The following KCNJ12 variants were observed in gnomAD, a reference collection of about 807,000 sequenced individuals.
The protein encoded by KCNJ12 is ATP-sensitive inward rectifier potassium channel 12.
Under a neutral mutation model 22.3 loss-of-function variants are expected in KCNJ12, and 2 were observed. The observed-to-expected ratio is 0.09, with a 90% CI of 0.04 to 0.28. The LOEUF is 0.28. Ranked by LOEUF, KCNJ12 falls within the 10% of genes least tolerant of loss-of-function variation. KCNJ12 has a pLI of 1.00. For synonymous variants in KCNJ12, 117 were observed against 261.4 expected, an observed-to-expected ratio of 0.45 and a Z score of 5.33; for missense variants, 155 against 633.3, an observed-to-expected ratio of 0.24 and a Z score of 8.11.
In KCNJ12 at chr17:21,382,494, C is replaced by CTT. The variant is rs11454225; in HGVS notation, c.-179+5588_-179+5589dup. On this transcript the variant is annotated intron_variant, in intron 1 of 2. Coordinates refer to ENST00000583088, the MANE Select transcript of KCNJ12 (RefSeq NM_021012.5). ...ATGCATTTCACCTCTCCTTTCCAGT[C>CTT]TTTTTTTTGGAACATGACACCCACG... Among the ~76,000 whole-genome samples, 265 of 151,812 alleles carry CTT rather than the reference C, an allele frequency of 1.7e-3. 4 individuals carry two copies. The highest frequency in any genetic ancestry group is 7.2e-4 in the Non-Finnish European group (49 of 67,912).
intron 1 of KCNJ12, among the ~76,000 whole-genome samples, chr17:21,383,158 A>T (rs1240314806): frequency 1.3e-5 from 2 of 152,108 alleles, no homozygotes; most frequent in East Asian, 1.9e-4. Flanking sequence ...GTCAAGGGGG[A>T]TGGAGTGGCC....
intron 2 of KCNJ12, among the ~76,000 whole-genome samples, chr17:21,414,302 C>T (rs1906552993): frequency 6.6e-6 from 1 of 152,278 alleles, no homozygotes; most frequent in Admixed American, 6.5e-5. Context: ...TGGTGAAACC[C>T]CGTCTCTACT....
chr17:21,398,088 T>C (rs1905434654), intron 1 of KCNJ12, among the ~76,000 whole-genome samples: 1 of 143,058 alleles, frequency 7.0e-6, no homozygotes, highest in Non-Finnish European at 1.5e-5. Flanking sequence ...TGGACGTGTG[T>C]GTATGTGTGT....
intron 1 of KCNJ12, among the ~76,000 whole-genome samples, chr17:21,383,277 A>G (rs1411832613): frequency 6.6e-6 from 1 of 152,172 alleles, no homozygotes; most frequent in East Asian, 1.9e-4. Flanking sequence ...TAAAGCAAAA[A>G]TAAATCGCTG....
chr17:21,386,884 T>C (rs1555558714), intron 1 of KCNJ12, among the ~76,000 whole-genome samples: 1 of 152,232 alleles, frequency 6.6e-6, no homozygotes, highest in Non-Finnish European at 1.5e-5. Context: ...ACTCTATATT[T>C]GCAAAGGCTC....
intron 1 of KCNJ12, among the ~76,000 whole-genome samples, chr17:21,406,198 A>G (rs1343748282): frequency 1.3e-5 from 2 of 152,308 alleles, no homozygotes; most frequent in Non-Finnish European, 2.9e-5. Flanking sequence ...CAGTTTTCCT[A>G]TCTGTCCAGA....
At chr17:21,397,839 G>T (rs1280999972) in intron 1 of KCNJ12, among the ~76,000 whole-genome samples, 1 of 152,226 alleles carries the variant, frequency 6.6e-6, no homozygotes, top group Non-Finnish European at 1.5e-5. Flanking sequence ...GGCTGACAGC[G>T]CACAGCAGGG....
At chr17:21,387,088 G>A (rs1219799924) in intron 1 of KCNJ12, among the ~76,000 whole-genome samples, 5 of 152,022 alleles carry the variant, frequency 3.3e-5, no homozygotes, top group South Asian at 4.2e-4. Flanking sequence ...CCCGGGGGGC[G>A]GAGCCTGCAG....
intron 1 of KCNJ12, among the ~76,000 whole-genome samples, chr17:21,382,407 T>C (rs1194947605): frequency 1.3e-5 from 2 of 152,164 alleles, no homozygotes; most frequent in Non-Finnish European, 2.9e-5. Flanking sequence ...GAGGGGACAG[T>C]GTCTCTGTTT....
At chr17:21,380,060 C>T (rs1555557755) in intron 1 of KCNJ12, among the ~76,000 whole-genome samples, 1 of 152,170 alleles carries the variant, frequency 6.6e-6, no homozygotes, top group African/African-American at 2.4e-5. Context: ...TTCCCCCATT[C>T]CACAGACACA....
intron 1 of KCNJ12, among the ~76,000 whole-genome samples, chr17:21,395,844 G>A (rs907228738): frequency 2.0e-5 from 3 of 152,212 alleles, no homozygotes; most frequent in Admixed American, 1.3e-4. Flanking sequence ...GGGGAGAGGG[G>A]AAGAGTATTT....
At chr17:21,397,529 C>T (rs1555560035) in intron 1 of KCNJ12, among the ~76,000 whole-genome samples, 1 of 152,230 alleles carries the variant, frequency 6.6e-6, no homozygotes, top group African/African-American at 2.4e-5. Flanking sequence ...CCGGCAGAGG[C>T]TGATGAGCTG....
chr17:21,384,691 T>C (rs1365553331), intron 1 of KCNJ12, among the ~76,000 whole-genome samples: 1 of 151,768 alleles, frequency 6.6e-6, no homozygotes, highest in Non-Finnish European at 1.5e-5. Flanking sequence ...GGATCACTTG[T>C]TCCCTCACTG....
At chr17:21,400,678 C>T (rs1450522423) in intron 1 of KCNJ12, among the ~76,000 whole-genome samples, 2 of 152,310 alleles carry the variant, frequency 1.3e-5, no homozygotes, top group Non-Finnish European at 2.9e-5. Context: ...GCCCTTCTCC[C>T]TCTGATCCAG....
At chr17:21,394,700 A>G (rs1158417473) in intron 1 of KCNJ12, among the ~76,000 whole-genome samples, 1 of 152,160 alleles carries the variant, frequency 6.6e-6, no homozygotes, top group Non-Finnish European at 1.5e-5. Context: ...AGGTGAAGAC[A>G]GAGACTGCCT....
chr17:21,412,302 T>C (rs1389840621), intron 2 of KCNJ12, among the ~76,000 whole-genome samples: 1 of 152,172 alleles, frequency 6.6e-6, no homozygotes, highest in Admixed American at 6.5e-5. Context: ...TGCCCAGCCC[T>C]GGCAGAGATG....
intron 1 of KCNJ12, among the ~76,000 whole-genome samples, chr17:21,385,668 G>A (rs1055190474): frequency 6.6e-5 from 10 of 152,218 alleles, no homozygotes; most frequent in Non-Finnish European, 1.3e-4. Context: ...CCTCTGCAGG[G>A]TGGAGGCTGG....
chr17:21,383,488 C>T (rs1239179769), intron 1 of KCNJ12, among the ~76,000 whole-genome samples: 3 of 152,270 alleles, frequency 2.0e-5, no homozygotes, highest in South Asian at 4.1e-4. Context: ...CAGATGGAGA[C>T]CTGGGGCTTC....
Position 21,376,616 on chromosome 17 carries a change from G to C in KCNJ12, c.-476G>C, listed in dbSNP as rs1357725019. The C allele has an allele frequency of 6.6e-6, 1 of 151,716 alleles. No individual in the cohort carries two copies. The highest frequency in any genetic ancestry group is 1.5e-5 in the Non-Finnish European group (1 of 67,866). 9.4% of individuals were successfully genotyped at this position (151,716 alleles called of 1,614,324 possible). ...GATCAGATAACAGCCGGCGGGGGAG[G>C]GGGTGGGCCGGCCGTGCTCACAGCC... On this transcript the variant is annotated 5_prime_UTR_variant, in exon 1 of 3. Coordinates refer to ENST00000583088, the MANE Select transcript of KCNJ12 (RefSeq NM_021012.5). This position sits in a 1 kb window ranked among gnomAD's most constrained non-coding sequence, Gnocchi z 5.3.
Sources: allele counts gnomAD v4.1 joint callset (sites outside exome capture counted in the v4.1 genomes callset), GRCh38; gene constraint gnomAD v4.1.1; non-coding constraint Gnocchi (gnomAD v3.1); transcripts MANE v1.5; gene names NCBI Gene and HGNC (gene_info 2026-07-23, HGNC 2026-07-21).